The following TTC7B variants were observed in gnomAD, a reference collection of about 807,000 sequenced individuals.
TTC7B encodes the protein tetratricopeptide repeat protein 7B.
A neutral mutation model predicts 106.8 loss-of-function variants in TTC7B; 28 were observed. That is an observed-to-expected ratio of 0.26 (90% CI 0.19 to 0.36). The LOEUF (loss-of-function observed/expected upper bound fraction) is 0.36. Ranked by LOEUF, TTC7B falls within the 10% of genes least tolerant of loss-of-function variation. The pLI, the probability that TTC7B is intolerant of heterozygous loss-of-function variation, is 1.00. For missense variants in TTC7B, 862 were observed against 1,076.4 expected, an observed-to-expected ratio of 0.80 and a Z score of 2.79; for synonymous variants, 405 against 430.6, an observed-to-expected ratio of 0.94 and a Z score of 0.74.
chr14:90,698,416 T>C (rs1028131945), intron 5 of TTC7B: 2 of 152,234 alleles, frequency 1.3e-5, no homozygotes, highest in African/African-American at 4.8e-5. Flanking sequence ...GAACTGTTGC[T>C]TAAAACTCCA....
chr14:90,812,813 T>C (rs995780170), intron 1 of TTC7B, among the ~76,000 whole-genome samples: 3 of 152,232 alleles, frequency 2.0e-5, no homozygotes, highest in African/African-American at 7.2e-5. Context: ...CTTTTCTTCC[T>C]TATCCACCTC....
chr14:90,773,873 C>T (rs1205946916), intron 3 of TTC7B, among the ~76,000 whole-genome samples: 3 of 151,998 alleles, frequency 2.0e-5, no homozygotes, highest in Non-Finnish European at 2.9e-5. Context: ...ACGGTCTGGT[C>T]CCAAGGTCAC....
At chr14:90,756,584 G>T (rs1326101037) in intron 3 of TTC7B, among the ~76,000 whole-genome samples, 1 of 151,830 alleles carries the variant, frequency 6.6e-6, no homozygotes, top group Non-Finnish European at 1.5e-5. Flanking sequence ...TAGTAGAAAC[G>T]GGGTTTCACC....
At chr14:90,610,422 AG>A (rs555400808) in intron 17 of TTC7B, among the ~76,000 whole-genome samples, 148 of 152,350 alleles carry the variant, frequency 9.7e-4, no homozygotes, top group Non-Finnish European at 1.5e-3. Context: ...CCAAAGAGAG[AG>A]GGAGACACAG....
rs1163771747 is a variant in TTC7B, at chr14:90,663,330, G to A, written c.1153-4943C>T. 6.6e-6 allele frequency among the ~76,000 whole-genome samples: 1 copy of A among 152,034 alleles called. No individual in the cohort carries two copies. Among genetic ancestry groups the A allele is most frequent in the East Asian group, 1.9e-4 (1 of 5,190 alleles). The stretch of plus-strand genomic sequence containing the variant: ...CTGCCTCTGAAACTTTAATTATATT[G>A]TGCCACTCACACTTCATTTATCAGG... On this transcript the variant is annotated intron_variant, in intron 9 of 19. Coordinates refer to ENST00000328459, the MANE Select transcript of TTC7B (RefSeq NM_001010854.2). This position sits in a 1 kb window ranked among gnomAD's most constrained non-coding sequence, Gnocchi z 4.5.
At chr14:90,786,445 C>G (rs1478820954) in intron 1 of TTC7B, 117 bp from the exon 2 acceptor site, 1 of 1,166,572 alleles carries the variant, frequency 8.6e-7, no homozygotes, top group Non-Finnish European at 1.2e-6. Context: ...CAGCAAGGTC[C>G]TTCTGGAACT....
intron 6 of TTC7B, among the ~76,000 whole-genome samples, chr14:90,690,086 C>T (rs1887411833): frequency 6.6e-6 from 1 of 152,212 alleles, no homozygotes; most frequent in Non-Finnish European, 1.5e-5. Flanking sequence ...GTGTGCTTAA[C>T]CTCAAGCCTG....
At chr14:90,620,464 C>T (rs1254500991) in intron 15 of TTC7B, among the ~76,000 whole-genome samples, 1 of 152,150 alleles carries the variant, frequency 6.6e-6, no homozygotes, top group Non-Finnish European at 1.5e-5. Flanking sequence ...CAGGGGTCAA[C>T]TGGGAGAGTT....
At chr14:90,776,016 A>G (rs773439294) in intron 3 of TTC7B, among the ~76,000 whole-genome samples, 12 of 152,232 alleles carry the variant, frequency 7.9e-5, no homozygotes, top group Non-Finnish European at 1.8e-4. Flanking sequence ...TAAAGCAGAG[A>G]TAGGTGCTTA....
At chr14:90,609,999 G>A (rs1892807922) in intron 17 of TTC7B, among the ~76,000 whole-genome samples, 1 of 152,166 alleles carries the variant, frequency 6.6e-6, no homozygotes, top group Non-Finnish European at 1.5e-5. Flanking sequence ...TTAAAATATT[G>A]TATAAAATTG....
intron 5 of TTC7B, chr14:90,697,632 G>A (rs1450931491): frequency 6.6e-6 from 1 of 152,194 alleles, no homozygotes; most frequent in Non-Finnish European, 1.5e-5. Flanking sequence ...AAGAAAATCC[G>A]TTGGCCCAGG....
chr14:90,682,204 T>C (rs1371524604), intron 7 of TTC7B, among the ~76,000 whole-genome samples: 2 of 152,230 alleles, frequency 1.3e-5, no homozygotes, highest in Non-Finnish European at 2.9e-5. Context: ...AATTGTGACT[T>C]AACAGCAGTC....
At position 90,639,915 on chromosome 14, in the gene TTC7B, A is replaced by G. The variant is rs374778689; in HGVS notation, c.1751+4133T>C. Among the ~76,000 whole-genome samples the G allele has an allele frequency of 4.7e-3, 723 of 152,340 alleles. 9 individuals are homozygous for G. Among genetic ancestry groups the G allele is most frequent in the Non-Finnish European group, 3.7e-3 (253 of 68,032 alleles). ...ATGTTAAGCAATGAACGCAAGCAGC[A>G]TAAGGACATATTCAGTCTGATTCCA... On this transcript the variant is annotated intron_variant, in intron 15 of 19. Transcript: ENST00000328459.
At chr14:90,735,971 C>T (rs1001544806) in intron 4 of TTC7B, among the ~76,000 whole-genome samples, 2 of 151,962 alleles carry the variant, frequency 1.3e-5, no homozygotes, top group Non-Finnish European at 2.9e-5. Context: ...AATGTTAAAA[C>T]CTATCATAAA....
At chr14:90,554,654 G>A (rs1012064671) in intron 19 of TTC7B, among the ~76,000 whole-genome samples, 1 of 152,342 alleles carries the variant, frequency 6.6e-6, no homozygotes, top group South Asian at 2.1e-4. Context: ...CTGCCCCAGA[G>A]CCTCAGTCAT....
At chr14:90,693,149 A>C (rs986346343) in intron 6 of TTC7B, among the ~76,000 whole-genome samples, 1 of 152,158 alleles carries the variant, frequency 6.6e-6, no homozygotes, top group Non-Finnish European at 1.5e-5. Flanking sequence ...ATGGGCAATA[A>C]AAGATAAATT....
rs1189360291 is a variant in TTC7B, at chr14:90,695,494, A to C, written c.777+6T>G. The C allele has an allele frequency of 1.3e-6, 2 of 1,586,152 alleles. No homozygotes were observed. ...TGGCCTCAATCAAGTCACTGTTCAC[A>C]CTTACCATTCGCAGGTTTTGAGTCG... On this transcript the variant is annotated splice_donor_region_variant and intron_variant, in intron 6 of 19. Coordinates refer to ENST00000328459, the MANE Select transcript of TTC7B (RefSeq NM_001010854.2).
intron 19 of TTC7B, among the ~76,000 whole-genome samples, chr14:90,565,674 A>G (rs1890765686): frequency 6.6e-6 from 1 of 152,094 alleles, no homozygotes; most frequent in South Asian, 2.1e-4. Flanking sequence ...TGCTGGGATT[A>G]CAGGCATGAG....
intron 13 of TTC7B, among the ~76,000 whole-genome samples, chr14:90,651,213 A>G (rs1308499552): frequency 6.6e-6 from 1 of 152,254 alleles, no homozygotes; most frequent in Non-Finnish European, 1.5e-5. Flanking sequence ...ACTGCAATTC[A>G]CTAGAATAGT....
Sources: gnomAD v4.1 joint callset for allele counts (sites outside exome capture counted in the v4.1 genomes callset) on GRCh38, gnomAD v4.1.1 for gene constraint, Gnocchi (gnomAD v3.1) non-coding constraint, MANE v1.5 for transcripts, NCBI Gene and HGNC (gene_info 2026-07-23, HGNC 2026-07-21) for gene names.